The following CRISPLD2 variants were observed in gnomAD, a reference collection of about 807,000 sequenced individuals.
CRISPLD2 encodes cysteine rich secretory protein LCCL domain containing 2, also known as cysteine-rich secretory protein LCCL domain-containing 2.
Under a neutral mutation model 71.1 loss-of-function variants are expected in CRISPLD2, and 47 were observed. That is an observed-to-expected ratio of 0.66 (90% CI 0.52 to 0.84). The LOEUF is 0.84. Among genes scored for constraint, CRISPLD2 ranks in the 40% least tolerant of loss-of-function variants. The pLI is 0.00. For missense variants in CRISPLD2, 830 were observed against 651.1 expected (o/e 1.27, Z -2.99); for synonymous variants, 317 against 250.1 (o/e 1.27, Z -2.52).
intron 6 of CRISPLD2, among the ~76,000 whole-genome samples, chr16:84,860,063 C>T (rs1917340180): frequency 1.5e-5 from 2 of 136,798 alleles, no homozygotes. Flanking sequence ...ATCCACTCTA[C>T]CATCCCAATC....
chr16:84,820,529 G>A (rs973409381), intron 1 of CRISPLD2, among the ~76,000 whole-genome samples: 2 of 152,202 alleles, frequency 1.3e-5, no homozygotes, highest in Admixed American at 1.3e-4. Context: ...ATTAGAATGT[G>A]TCCTACTCAT....
intron 13 of CRISPLD2, among the ~76,000 whole-genome samples, chr16:84,882,765 C>G (rs953830813): frequency 6.6e-6 from 1 of 152,208 alleles, no homozygotes; most frequent in Non-Finnish European, 1.5e-5. Context: ...AAAACACCGT[C>G]TCTAGGTATC....
chr16:84,879,393 G>A (rs952342668), intron 12 of CRISPLD2, among the ~76,000 whole-genome samples: 10 of 139,578 alleles, frequency 7.2e-5, no homozygotes, highest in East Asian at 2.0e-4. Context: ...ACTGAGCTTC[G>A]CTCTTGTTGC....
intron 14 of CRISPLD2, among the ~76,000 whole-genome samples, chr16:84,903,805 C>G: frequency 6.6e-6 from 1 of 152,158 alleles, no homozygotes; most frequent in Non-Finnish European, 1.5e-5. Flanking sequence ...ACCACAGAGT[C>G]ATACAACGAA....
At chr16:84,901,468 CTTTTT>C (rs564314509) in intron 14 of CRISPLD2, among the ~76,000 whole-genome samples, 2 of 119,060 alleles carry the variant, frequency 1.7e-5, no homozygotes, top group Non-Finnish European at 1.7e-5. Context: ...CCTGGCTGCA[CTTTTT>C]TTTTTTTTTT....
rs149109786 is a variant in CRISPLD2, at chr16:84,866,238, G to GTTTTTT, written c.710-659_710-658insTTTTTT. ...AGTGGCCGAGGCAGTTTTGTTTTTT[G>GTTTTTT]GTTTTTTTTTTTGAGATGGAGTTTC... On this transcript the variant is annotated intron_variant, in intron 6 of 14. Transcript: ENST00000262424. Among the ~76,000 whole-genome samples the GTTTTTT allele has an allele frequency of 1.8e-4, 27 of 148,298 alleles. 1 individual carries two copies. Among genetic ancestry groups the GTTTTTT allele is most frequent in the Admixed American group, 1.5e-3 (22 of 14,734 alleles).
chr16:84,880,435 A>G, intron 12 of CRISPLD2, 74 bp from the exon 13 acceptor site: 1 of 1,217,982 alleles, frequency 8.2e-7, no homozygotes, highest in Non-Finnish European at 1.2e-6. Flanking sequence ...TTGGAATTCA[A>G]ATAAAGAGAG....
chr16:84,845,037 C>T (rs1234990799), intron 2 of CRISPLD2, among the ~76,000 whole-genome samples: 1 of 152,170 alleles, frequency 6.6e-6, no homozygotes, highest in East Asian at 1.9e-4. Flanking sequence ...GATTTCTAGC[C>T]CCTGGCCTAG....
At chr16:84,863,634 C>G (rs1917450166) in intron 6 of CRISPLD2, among the ~76,000 whole-genome samples, 1 of 152,192 alleles carries the variant, frequency 6.6e-6, no homozygotes, top group South Asian at 2.1e-4. Context: ...TGAAATGTGG[C>G]CAATCATGCC....
intron 5 of CRISPLD2, among the ~76,000 whole-genome samples, chr16:84,851,266 C>G (rs1917082039): frequency 6.6e-6 from 1 of 152,220 alleles, no homozygotes; most frequent in African/African-American, 2.4e-5. Flanking sequence ...CATGCGGCCT[C>G]CTGATCATGG....
In CRISPLD2 at chr16:84,866,238, G is replaced by GTTTTTTTTTTTTTTTTTTTTTTTTT. The variant is rs149109786; in HGVS notation, c.710-659_710-658insTTTTTTTTTTTTTTTTTTTTTTTTT. Reference sequence around the variant, plus strand: ...AGTGGCCGAGGCAGTTTTGTTTTTTGGTTTTTTTTTTTGAGATGGAGTTTC... The same window carrying GTTTTTTTTTTTTTTTTTTTTTTTTT: ...AGTGGCCGAGGCAGTTTTGTTTTTTGTTTTTTTTTTTTTTTTTTTTTTTTTGTTTTTTTTTTTGAGATGGAGTTTC... On this transcript the variant is annotated intron_variant, in intron 6 of 14. Transcript: ENST00000262424. Among the ~76,000 whole-genome samples the GTTTTTTTTTTTTTTTTTTTTTTTTT allele has an allele frequency of 1.3e-5, 2 of 148,302 alleles. 1 individual carries two copies. Among genetic ancestry groups the GTTTTTTTTTTTTTTTTTTTTTTTTT allele is most frequent in the Non-Finnish European group, 3.0e-5 (2 of 67,240 alleles).
intron 8 of CRISPLD2, among the ~76,000 whole-genome samples, chr16:84,871,475 G>A (rs2071468576): frequency 6.6e-6 from 1 of 152,128 alleles, no homozygotes; most frequent in African/African-American, 2.4e-5. Flanking sequence ...GGAAGTTGAG[G>A]CTACAGTGAG....
At position 84,822,395 on chromosome 16, in the gene CRISPLD2, C is replaced by T. The variant is rs561340783; in HGVS notation, c.-75+2262C>T. ...AGTTTTTGGAGGCAGGACCCTCTGA[C>T]GTCTTTGGAGGTCAGAAAGTTTTTG... On this transcript the variant is annotated intron_variant, in intron 1 of 14. Transcript: ENST00000262424. Among the ~76,000 whole-genome samples, 11 of 152,286 alleles carry T rather than the reference C, an allele frequency of 7.2e-5. No individual in the cohort carries two copies. The South Asian group carries it at 1.2e-3, about 17-fold the overall frequency.
intron 13 of CRISPLD2, among the ~76,000 whole-genome samples, chr16:84,883,206 C>T (rs866607080): frequency 1.3e-5 from 2 of 152,226 alleles, no homozygotes; most frequent in African/African-American, 4.8e-5. Flanking sequence ...TTTCTGGCCT[C>T]AGTTTCTAGG....
chr16:84,854,278 C>T (rs1006353819), intron 5 of CRISPLD2, among the ~76,000 whole-genome samples: 2 of 152,174 alleles, frequency 1.3e-5, no homozygotes, highest in African/African-American at 2.4e-5. Context: ...GCAGTGAAGG[C>T]ACAGACCAGG....
At chr16:84,873,683 A>G (rs974811711) in intron 10 of CRISPLD2, among the ~76,000 whole-genome samples, 1 of 152,134 alleles carries the variant, frequency 6.6e-6, no homozygotes, top group African/African-American at 2.4e-5. Flanking sequence ...GAAAACCATT[A>G]TTCTTAGAAG....
chr16:84,896,945 G>A (rs532376488), intron 14 of CRISPLD2, among the ~76,000 whole-genome samples: 2 of 152,184 alleles, frequency 1.3e-5, no homozygotes, highest in Non-Finnish European at 2.9e-5. Flanking sequence ...AACCAGAACC[G>A]GCCGTCCACC....
chr16:84,865,296 C>T (rs1917504721), intron 6 of CRISPLD2, among the ~76,000 whole-genome samples: 1 of 152,114 alleles, frequency 6.6e-6, no homozygotes, highest in African/African-American at 2.4e-5. Flanking sequence ...GCTGGGACTA[C>T]AGGCACCCGC....
At chr16:84,864,101 G>C (rs1380667229) in intron 6 of CRISPLD2, among the ~76,000 whole-genome samples, 1 of 152,158 alleles carries the variant, frequency 6.6e-6, no homozygotes. Flanking sequence ...CAGCTTTAGA[G>C]CCAGAAGGGA....
Sources: allele counts gnomAD v4.1 joint callset (sites outside exome capture counted in the v4.1 genomes callset), GRCh38; gene constraint gnomAD v4.1.1; transcripts MANE v1.5; gene names NCBI Gene and HGNC (gene_info 2026-07-23, HGNC 2026-07-21).